Variants in GANC observed in about 807,000 individuals in gnomAD.
GANC encodes the protein neutral alpha-glucosidase C.
Under a neutral mutation model 124.2 loss-of-function variants are expected in GANC, and 117 were observed. The ratio of observed to expected loss-of-function variants is 0.94; its 90% CI spans 0.81 to 1.10. The LOEUF is 1.10. Ranked by LOEUF, GANC falls within the 50% of genes least tolerant of loss-of-function variation. The pLI is 0.00. For synonymous variants in GANC, 377 were observed against 376.8 expected, an observed-to-expected ratio of 1.00 and a Z score of -0.01; for missense variants, 1,140 against 1,095.0, an observed-to-expected ratio of 1.04 and a Z score of -0.58.
At position 42,349,408 on chromosome 15, in the gene GANC, TTGA is replaced by T; in HGVS notation, c.2450_2452del (p.Asp817del). On this transcript the variant is annotated inframe_deletion, in exon 22 of 24. Coordinates refer to ENST00000318010, the MANE Select transcript of GANC (RefSeq NM_198141.3). ...GGTTCTTCAGTGGGTGAGTTATATC[TTGA>T]TGATGGCCATTCATTCCAATACCTC... The T allele has an allele frequency of 1.2e-6, 2 of 1,612,820 alleles. No homozygotes were observed. The highest frequency in any genetic ancestry group is 1.7e-6 in the Non-Finnish European group (2 of 1,178,788).
At chr15:42,336,648 T>C (rs2052285580) in intron 15 of GANC, among the ~76,000 whole-genome samples, 2 of 152,182 alleles carry the variant, frequency 1.3e-5, no homozygotes, top group Admixed American at 6.5e-5. Flanking sequence ...CTAATTAAAC[T>C]AAACAGCTTC....
Position 42,307,470 on chromosome 15 carries a change from A to G in GANC, c.626-752A>G, listed in dbSNP as rs145299730. ...TGCCTCGGCCTCCCAAAGTGCTGGG[A>G]TTACAGGCATGAGCCACCATACCCG... On this transcript the variant is annotated intron_variant, in intron 7 of 23. Coordinates refer to ENST00000318010, the MANE Select transcript of GANC (RefSeq NM_198141.3). Among the ~76,000 whole-genome samples the G allele has an allele frequency of 5.0e-3, 757 of 151,768 alleles. 4 individuals carry two copies. The highest frequency in any genetic ancestry group is 0.018 in the African/African-American group (730 of 41,350).
chr15:42,328,561 G>A (rs1035915570), intron 13 of GANC, among the ~76,000 whole-genome samples: 3 of 151,682 alleles, frequency 2.0e-5, no homozygotes, highest in Admixed American at 6.6e-5. Context: ...TCTTGTGGGC[G>A]AGGTGACAGA....
chr15:42,287,235 C>G (rs1475577564), intron 3 of GANC, among the ~76,000 whole-genome samples: 2 of 152,204 alleles, frequency 1.3e-5, no homozygotes, highest in African/African-American at 4.8e-5. Flanking sequence ...TTATTCTGTA[C>G]TGTTTTCTCT....
rs948265736 is a variant in GANC, at chr15:42,292,873, G to C, written c.468G>C (p.Leu156=). 1 of 1,613,958 alleles carries C rather than the reference G, an allele frequency of 6.2e-7. No individual in the cohort carries two copies. The highest frequency in any genetic ancestry group is 8.5e-7 in the Non-Finnish European group (1 of 1,179,930). The change falls in exon 5 of 24, where the codon CTG becomes CTC. Residue 156 remains leucine, a synonymous_variant. Transcript: ENST00000318010. ...AGGTTGTGATTAGCATAAATTCCCT[G>C]GGCCAATTATACTTTGAGCATCTAC... ...EEEVVISINS[L]GQLYFEHLQI...
At chr15:42,288,220 A>C (rs542850831) in intron 4 of GANC, among the ~76,000 whole-genome samples, 54 of 152,198 alleles carry the variant, frequency 3.5e-4, no homozygotes, top group Non-Finnish European at 6.9e-4. Context: ...TACGCTAGCC[A>C]AACTCCCATA....
intron 6 of GANC, among the ~76,000 whole-genome samples, chr15:42,297,975 A>G (rs1241108635): frequency 6.6e-6 from 1 of 152,194 alleles, no homozygotes; most frequent in Non-Finnish European, 1.5e-5. Context: ...ATTAGAATCT[A>G]TTGGGAAAGA....
At position 42,273,480 on chromosome 15, in the gene GANC, C is replaced by A; in HGVS notation, c.-1002C>A. 2 of 1,572,334 alleles carry A rather than the reference C, an allele frequency of 1.3e-6. No individual in the cohort carries two copies. The highest frequency in any genetic ancestry group is 1.7e-6 in the Non-Finnish European group (2 of 1,161,198). On this transcript the variant is annotated 5_prime_UTR_variant, in exon 1 of 24. Coordinates refer to ENST00000318010, the MANE Select transcript of GANC (RefSeq NM_198141.3). ...CCTTCTTCCGGCTCTGCTCTAAGGG[C>A]GGGATTATCCGGGTCCTGGAAACGT...
intron 15 of GANC, among the ~76,000 whole-genome samples, chr15:42,333,553 G>C (rs1371553419): frequency 6.6e-6 from 1 of 152,062 alleles, no homozygotes; most frequent in African/African-American, 2.4e-5. Context: ...ATAAGAACAA[G>C]AACACTGGCT....
At position 42,330,572 on chromosome 15, in the gene GANC, A is replaced by G. The variant is rs988910321; in HGVS notation, c.1645-4A>G. On this transcript the variant is annotated splice_polypyrimidine_tract_variant and splice_region_variant and intron_variant, in intron 14 of 23. Transcript: ENST00000318010. ...TTTGAAATTTTTCTTGTTTGGTGAT[A>G]TAGCAAATGGCTACTGCAGAAGGAC... 1.2e-6 allele frequency: 2 copies of G among 1,609,788 alleles called. No homozygotes were observed. Among genetic ancestry groups the G allele is most frequent in the South Asian group, 1.1e-5 (1 of 90,856 alleles).
chr15:42,343,571 C>T (rs1055942047), intron 19 of GANC, among the ~76,000 whole-genome samples: 6 of 152,198 alleles, frequency 3.9e-5, no homozygotes, highest in African/African-American at 1.4e-4. Flanking sequence ...GGTCTCAATA[C>T]ACTCACTGAA....
chr15:42,320,116 G>A (rs1014135793), intron 10 of GANC, among the ~76,000 whole-genome samples: 3 of 152,196 alleles, frequency 2.0e-5, no homozygotes, highest in African/African-American at 4.8e-5. Flanking sequence ...CCCAGAGGCG[G>A]AGGTTGCAGT....
chr15:42,314,162 A>G, intron 10 of GANC: 3 of 761,960 alleles, frequency 3.9e-6, no homozygotes, highest in Non-Finnish European at 7.2e-6. Flanking sequence ...AAAAATTCAG[A>G]TTGGATATGG....
At chr15:42,346,870 G>A (rs1241515612) in intron 20 of GANC, among the ~76,000 whole-genome samples, 1 of 152,058 alleles carries the variant, frequency 6.6e-6, no homozygotes, top group Non-Finnish European at 1.5e-5. Context: ...ACTACTACAG[G>A]CCCAAAGTAG....
chr15:42,310,077 TGTCACAGGAAGTGGTGCCAAAGGA>T (rs1400565357), intron 8 of GANC, among the ~76,000 whole-genome samples, 182 bp from the exon 9 acceptor site: 5 of 152,136 alleles, frequency 3.3e-5, no homozygotes, highest in Non-Finnish European at 5.9e-5. Context: ...TATGTGCTAA[TGTCACAGGAAGTGGTGCCAAAGGA>T]GTCAAGGGAA....
chr15:42,321,614 C>G (rs1224206262), intron 10 of GANC, among the ~76,000 whole-genome samples, 171 bp from the exon 11 acceptor site: 2 of 152,236 alleles, frequency 1.3e-5, no homozygotes, highest in African/African-American at 4.8e-5. Flanking sequence ...ACACTCCTGC[C>G]TCATTAGCCA....
intron 14 of GANC, among the ~76,000 whole-genome samples, chr15:42,330,099 T>C (rs1327088906): frequency 6.6e-6 from 1 of 152,252 alleles, no homozygotes; most frequent in African/African-American, 2.4e-5. Flanking sequence ...TGGGATCTTT[T>C]GGCTAAATAT....
chr15:42,330,579 A>G lies in GANC; in HGVS notation c.1648A>G (p.Met550Val), dbSNP rs754928751. ...TTTTTCTTGTTTGGTGATATAGCAAATGGCTACTGCAGAAGGACTGATAAA... is the reference window on the plus strand; with the variant it reads ...TTTTTCTTGTTTGGTGATATAGCAAGTGGCTACTGCAGAAGGACTGATAAA... The part of the protein sequence containing the change: ...LHNIYGFYHQ[M>V]ATAEGLIKRS... The change falls in exon 15 of 24, where the codon ATG becomes GTG. Residue 550 changes from methionine to valine, a missense_variant. Transcript: ENST00000318010. 1 of 1,611,896 alleles carries G rather than the reference A, an allele frequency of 6.2e-7. No individual in the cohort carries two copies. Among genetic ancestry groups the G allele is most frequent in the South Asian group, 1.1e-5 (1 of 90,890 alleles).
intron 22 of GANC, among the ~76,000 whole-genome samples, chr15:42,350,804 C>T (rs1183852263): frequency 1.3e-5 from 2 of 151,872 alleles, no homozygotes; most frequent in African/African-American, 2.4e-5. Flanking sequence ...GATCCGCCCA[C>T]GTTGGCCTCC....
Sources: allele counts gnomAD v4.1 joint callset (sites outside exome capture counted in the v4.1 genomes callset), GRCh38; gene constraint gnomAD v4.1.1; transcripts MANE v1.5; gene names NCBI Gene and HGNC (gene_info 2026-07-23, HGNC 2026-07-21).